The following MYT1L variants were observed in gnomAD, a reference collection of about 807,000 sequenced individuals.
MYT1L encodes myelin transcription factor 1 like.
MYT1L carries 12 observed loss-of-function variants against 126.7 expected under a neutral mutation model. The ratio of observed to expected loss-of-function variants is 0.09; its 90% confidence interval spans 0.06 to 0.15. The LOEUF is 0.15. Among genes scored for constraint, MYT1L ranks in the 10% least tolerant of loss-of-function variants. The probability of loss-of-function intolerance (pLI) is 1.00; values close to 1 mark genes in which losing one functional copy is unlikely to be tolerated. For missense variants in MYT1L, 979 were observed against 1,585.2 expected (o/e 0.62, Z 6.49); for synonymous variants, 541 against 604.2 (o/e 0.90, Z 1.53).
chr2:1,944,092 A>G (rs1573831055), intron 8 of MYT1L, among the ~76,000 whole-genome samples: 4 of 152,088 alleles, frequency 2.6e-5, no homozygotes, highest in African/African-American at 9.6e-5. Context: ...CTTGAGAAAC[A>G]ACGATTTTCT....
chr2:2,198,773 G>A lies in MYT1L; in HGVS notation c.-420-25785C>T, dbSNP rs189342448. ...CTCAGGAGGCTGAGGCAGGAGAATCGCTTGAACCCAGGAGGCAGAGGTTGC... is the reference window on the plus strand; with the variant it reads ...CTCAGGAGGCTGAGGCAGGAGAATCACTTGAACCCAGGAGGCAGAGGTTGC... On this transcript the variant is annotated intron_variant, in intron 2 of 24. Coordinates refer to ENST00000647738, the MANE Select transcript of MYT1L (RefSeq NM_001303052.2). Among the ~76,000 whole-genome samples, 239 of 152,166 alleles carry A rather than the reference G, an allele frequency of 1.6e-3. 1 individual carries two copies. The highest frequency in any genetic ancestry group is 5.3e-3 in the African/African-American group (222 of 41,514).
intron 2 of MYT1L, among the ~76,000 whole-genome samples, chr2:2,255,677 G>C (rs2094789074): frequency 6.6e-6 from 1 of 152,064 alleles, no homozygotes; most frequent in South Asian, 2.1e-4. Context: ...TTAGCTATTT[G>C]TCGCACATAC....
chr2:1,991,487 CCAGGCTGGTCT>C (rs1274104428), intron 5 of MYT1L, among the ~76,000 whole-genome samples: 1 of 152,074 alleles, frequency 6.6e-6, no homozygotes, highest in Non-Finnish European at 1.5e-5. Flanking sequence ...ACCATGTTGT[CCAGGCTGGTCT>C]CAAACTCCTG....
intron 1 of MYT1L, among the ~76,000 whole-genome samples, chr2:2,297,393 C>A (rs1469502460): frequency 1.3e-5 from 2 of 152,224 alleles, no homozygotes; most frequent in East Asian, 3.9e-4. Flanking sequence ...GGGGCGTAAG[C>A]CAGGCCCATC....
chr2:1,818,053 G>C (rs2037956117), intron 21 of MYT1L, among the ~76,000 whole-genome samples: 1 of 146,234 alleles, frequency 6.8e-6, no homozygotes, highest in Admixed American at 6.7e-5. Context: ...GAAAGCTTTA[G>C]AAGGGCTTCA....
chr2:1,889,485 T>C lies in MYT1L; in HGVS notation c.2284-8A>G, dbSNP rs368483828. ...CACCTCCATGTCAGGGTTCTGTCGG[T>C]AGAAAGACATAGTGACTGTGCTTGG... On this transcript the variant is annotated splice_region_variant and splice_polypyrimidine_tract_variant and intron_variant, in intron 15 of 24. Coordinates refer to ENST00000647738, the MANE Select transcript of MYT1L (RefSeq NM_001303052.2). This position sits in a 1 kb window ranked among gnomAD's most constrained non-coding sequence, Gnocchi z 4.1. 24 of 1,582,840 alleles carry C rather than the reference T, an allele frequency of 1.5e-5. No individual in the cohort carries two copies. Among genetic ancestry groups the C allele is most frequent in the East Asian group, 2.2e-5 (1 of 44,486 alleles).
At chr2:2,182,441 T>C (rs1446258667) in intron 2 of MYT1L, among the ~76,000 whole-genome samples, 1 of 152,202 alleles carries the variant, frequency 6.6e-6, no homozygotes, top group African/African-American at 2.4e-5. Flanking sequence ...ACAAGGAAGA[T>C]GTTTGCAATA....
At chr2:2,330,279 G>C (rs899125834) in intron 1 of MYT1L, among the ~76,000 whole-genome samples, 2 of 151,848 alleles carry the variant, frequency 1.3e-5, no homozygotes, top group African/African-American at 4.8e-5. Context: ...AAATTGTCAT[G>C]GTTAATACTA....
intron 3 of MYT1L, among the ~76,000 whole-genome samples, chr2:2,066,273 G>A (rs1407765658): frequency 6.6e-6 from 1 of 152,024 alleles, no homozygotes; most frequent in African/African-American, 2.4e-5. Context: ...GTCCTTGCTG[G>A]GCACCAGGTG....
intron 3 of MYT1L, among the ~76,000 whole-genome samples, chr2:2,081,886 C>G (rs762786540): frequency 6.6e-6 from 1 of 152,042 alleles, no homozygotes; most frequent in Non-Finnish European, 1.5e-5. Context: ...ATTACAGGTG[C>G]GCGATGCCAT....
intron 8 of MYT1L, among the ~76,000 whole-genome samples, chr2:1,963,690 T>A (rs551096848): frequency 7.9e-5 from 12 of 152,384 alleles, no homozygotes; most frequent in African/African-American, 2.6e-4. Flanking sequence ...TGGAGACAGA[T>A]TCTTCCCTGA....
chr2:2,317,423 A>G lies in MYT1L; in HGVS notation c.-521+13544T>C, dbSNP rs890254145. Among the ~76,000 whole-genome samples the G allele has an allele frequency of 4.6e-5, 7 of 152,054 alleles. No homozygotes were observed. In the South Asian group the frequency reaches 1.5e-3, roughly 32 times the overall value. ...CAAGTGTTAGAACTGGGACTCCCTC[A>G]CTTTAAACAAGGGCACCGAGAGGCA... is the stretch of plus-strand genomic sequence containing the variant. On this transcript the variant is annotated intron_variant, in intron 1 of 24. Transcript: ENST00000647738.
chr2:2,192,093 T>G (rs1277425393), intron 2 of MYT1L, among the ~76,000 whole-genome samples: 3 of 152,180 alleles, frequency 2.0e-5, no homozygotes, highest in African/African-American at 7.2e-5. Flanking sequence ...GGCTGGGAGC[T>G]GGAATATTTG....
chr2:2,275,772 G>A (rs761146977), intron 2 of MYT1L, among the ~76,000 whole-genome samples: 8 of 152,180 alleles, frequency 5.3e-5, no homozygotes, highest in Non-Finnish European at 8.8e-5. Flanking sequence ...TGCATGGGTT[G>A]ATGTCTTCCC....
intron 21 of MYT1L, among the ~76,000 whole-genome samples, chr2:1,815,737 G>A (rs759930734): frequency 3.9e-5 from 6 of 152,218 alleles, no homozygotes; most frequent in African/African-American, 7.2e-5. Flanking sequence ...CCAGACAGTC[G>A]GTCAGGCCAG....
At chr2:2,158,524 G>C (rs966516092) in intron 3 of MYT1L, among the ~76,000 whole-genome samples, 16 of 152,066 alleles carry the variant, frequency 1.1e-4, no homozygotes, top group Admixed American at 3.9e-4. Flanking sequence ...TTGAGCTGGG[G>C]TTGGTCACTG....
intron 18 of MYT1L, among the ~76,000 whole-genome samples, chr2:1,874,390 T>C (rs2046631610): frequency 6.6e-6 from 1 of 152,202 alleles, no homozygotes; most frequent in South Asian, 2.1e-4. Flanking sequence ...TTAAGTGTTT[T>C]CACGTTGGTT....
chr2:2,062,992 G>A (rs952774604), intron 3 of MYT1L, among the ~76,000 whole-genome samples: 10 of 152,086 alleles, frequency 6.6e-5, no homozygotes, highest in Non-Finnish European at 1.3e-4. Context: ...GAACTTACAC[G>A]ATTCAGCCAA....
chr2:2,005,276 G>GCC (rs1574442172), intron 4 of MYT1L, among the ~76,000 whole-genome samples: 1 of 11,750 alleles, frequency 8.5e-5, no homozygotes, highest in African/African-American at 3.0e-4. Context: ...TCTTTCCTGT[G>GCC]TGCCTTCTTT....
Sources: allele counts gnomAD v4.1 joint callset (sites outside exome capture counted in the v4.1 genomes callset), GRCh38; gene constraint gnomAD v4.1.1; non-coding constraint Gnocchi (gnomAD v3.1); transcripts MANE v1.5; gene names NCBI Gene and HGNC (gene_info 2026-07-23, HGNC 2026-07-21).